The following TTC27 variants were observed in gnomAD, a reference collection of about 807,000 sequenced individuals.
TTC27 encodes the protein tetratricopeptide repeat domain 27, also known as tetratricopeptide repeat protein 27.
A neutral mutation model predicts 115.9 loss-of-function variants in TTC27; 79 were observed. That is an observed-to-expected ratio of 0.68 (90% CI 0.57 to 0.82). The LOEUF (loss-of-function observed/expected upper bound fraction) is 0.82. Ranked by LOEUF, TTC27 falls within the 40% of genes least tolerant of loss-of-function variation. The pLI is 0.00. For missense variants in TTC27, 1,054 were observed against 993.1 expected (o/e 1.06, Z -0.82); for synonymous variants, 401 against 356.0 (o/e 1.13, Z -1.42).
chr2:32,771,653 C>A (rs1017897633), intron 13 of TTC27, among the ~76,000 whole-genome samples: 34 of 152,172 alleles, frequency 2.2e-4, no homozygotes, highest in African/African-American at 7.5e-4. Context: ...TATATTTCCT[C>A]ATGGAAGGAG....
intron 12 of TTC27, among the ~76,000 whole-genome samples, chr2:32,746,278 C>G (rs1203777394): frequency 6.6e-6 from 1 of 152,046 alleles, no homozygotes; most frequent in Non-Finnish European, 1.5e-5. Context: ...GAATGCACAT[C>G]TGGCCAGGCA....
chr2:32,788,776 C>T (rs956994919), intron 16 of TTC27, among the ~76,000 whole-genome samples: 7 of 152,126 alleles, frequency 4.6e-5, no homozygotes, highest in Non-Finnish European at 1.0e-4. Flanking sequence ...TATAAGGTAC[C>T]CAAATAGGTC....
chr2:32,806,656 C>A (rs1205484890), intron 16 of TTC27, among the ~76,000 whole-genome samples: 1 of 152,084 alleles, frequency 6.6e-6, no homozygotes, highest in Non-Finnish European at 1.5e-5. Context: ...GTGGCACGCG[C>A]CTGTAGTCCC....
At chr2:32,749,474 T>C (rs1415430789) in intron 12 of TTC27, among the ~76,000 whole-genome samples, 1 of 152,242 alleles carries the variant, frequency 6.6e-6, no homozygotes, top group Non-Finnish European at 1.5e-5. Context: ...GCCATGAAGC[T>C]TGCTCTTCTT....
In TTC27 at chr2:32,664,410, G is replaced by A; in HGVS notation, c.748G>A (p.Ala250Thr). The A allele has an allele frequency of 2.5e-6, 4 of 1,612,270 alleles. No individual in the cohort carries two copies. Among genetic ancestry groups the A allele is most frequent in the Non-Finnish European group, 3.4e-6 (4 of 1,179,446 alleles). ...TTTATATTATTATGAGTACAGAAAA[G>A]CAAAAGATCAGTTGGATATTGCTAA... ...VFLYYYEYRK[A>T]KDQLDIAKDI... The change falls in exon 6 of 20, where the codon GCA becomes ACA. Residue 250 changes from alanine to threonine, a missense_variant. Physicochemically the swap from Ala to Thr is moderately conservative, Grantham distance 58. Coordinates refer to ENST00000317907, the MANE Select transcript of TTC27 (RefSeq NM_017735.5).
chr2:32,769,609 G>C (rs1407319845), intron 13 of TTC27, among the ~76,000 whole-genome samples: 3 of 151,916 alleles, frequency 2.0e-5, no homozygotes, highest in Non-Finnish European at 2.9e-5. Context: ...AGAGAGGGGA[G>C]ATAAATAGGG....
At chr2:32,673,388 C>T (rs984454083) in intron 8 of TTC27, among the ~76,000 whole-genome samples, 1 of 152,036 alleles carries the variant, frequency 6.6e-6, no homozygotes, top group African/African-American at 2.4e-5. Context: ...CCATGCCCGG[C>T]TAATTTTTTT....
At chr2:32,803,641 C>A (rs954231412) in intron 16 of TTC27, among the ~76,000 whole-genome samples, 2 of 152,090 alleles carry the variant, frequency 1.3e-5, no homozygotes, top group African/African-American at 2.4e-5. Context: ...AAGGAGTTGG[C>A]AACTTGTGTT....
At chr2:32,654,179 C>G (rs948101927) in intron 5 of TTC27, among the ~76,000 whole-genome samples, 2 of 152,220 alleles carry the variant, frequency 1.3e-5, no homozygotes, top group Non-Finnish European at 2.9e-5. Context: ...TGTGGCGTTT[C>G]TGACTCCAAG....
chr2:32,637,563 C>T (rs1664476614), intron 3 of TTC27, among the ~76,000 whole-genome samples: 1 of 152,050 alleles, frequency 6.6e-6, no homozygotes, highest in African/African-American at 2.4e-5. Flanking sequence ...AAGCTCTTGA[C>T]CTTATGATCT....
At chr2:32,713,533 C>T (rs773958546) in intron 10 of TTC27, among the ~76,000 whole-genome samples, 6 of 152,050 alleles carry the variant, frequency 3.9e-5, no homozygotes, top group East Asian at 1.9e-4. Context: ...TAATTTAAGT[C>T]GTGAAGTTCT....
chr2:32,798,726 A>AATAATG (rs1670815261), intron 16 of TTC27, among the ~76,000 whole-genome samples: 1 of 150,326 alleles, frequency 6.7e-6, no homozygotes, highest in African/African-American at 2.5e-5. Flanking sequence ...TAATAATAAT[A>AATAATG]ATAATAATAA....
chr2:32,669,375 A>G (rs1351361965), intron 7 of TTC27, among the ~76,000 whole-genome samples: 1 of 152,252 alleles, frequency 6.6e-6, no homozygotes, highest in African/African-American at 2.4e-5. Context: ...GATGGAGAGT[A>G]CAAGTTGTAT....
intron 13 of TTC27, among the ~76,000 whole-genome samples, chr2:32,761,156 C>G (rs895393180): frequency 6.6e-6 from 1 of 152,168 alleles, no homozygotes; most frequent in South Asian, 2.1e-4. Context: ...AATCCCTCTT[C>G]CTCCCAAGCT....
intron 10 of TTC27, among the ~76,000 whole-genome samples, chr2:32,710,533 A>G (rs937167709): frequency 6.7e-6 from 1 of 148,656 alleles, no homozygotes; most frequent in Non-Finnish European, 1.5e-5. Context: ...AGGTTCAACC[A>G]ATTCTCCTAC....
At chr2:32,808,080 C>G (rs1020346466) in intron 16 of TTC27, among the ~76,000 whole-genome samples, 3 of 151,810 alleles carry the variant, frequency 2.0e-5, no homozygotes, top group African/African-American at 7.3e-5. Context: ...TTACAGGTAC[C>G]CACCACCACA....
chr2:32,749,774 G>A (rs1236021382), intron 12 of TTC27, among the ~76,000 whole-genome samples: 1 of 152,140 alleles, frequency 6.6e-6, no homozygotes, highest in East Asian at 1.9e-4. Flanking sequence ...TCTCAAAAAT[G>A]GGCATGTTAA....
intron 3 of TTC27, among the ~76,000 whole-genome samples, chr2:32,636,786 C>T (rs1435582007): frequency 5.3e-5 from 8 of 152,168 alleles, no homozygotes; most frequent in Non-Finnish European, 8.8e-5. Context: ...TTTGTGGAAG[C>T]TGGATTTTGT....
chr2:32,775,612 G>C (rs1467818763), intron 13 of TTC27, among the ~76,000 whole-genome samples: 2 of 152,066 alleles, frequency 1.3e-5, no homozygotes, highest in Non-Finnish European at 2.9e-5. Context: ...CATTGTTCTT[G>C]ATTTAGTCTC....
Sources: allele counts gnomAD v4.1 joint callset (sites outside exome capture counted in the v4.1 genomes callset), GRCh38; gene constraint gnomAD v4.1.1; transcripts MANE v1.5; gene names NCBI Gene and HGNC (gene_info 2026-07-23, HGNC 2026-07-21).